The following EDRF1 variants were observed in gnomAD, a reference collection of about 807,000 sequenced individuals.
The protein encoded by EDRF1 is erythroid differentiation regulatory factor 1.
EDRF1 carries 69 observed loss-of-function variants against 148.7 expected under a neutral mutation model. That is an observed-to-expected ratio of 0.46 (90% CI 0.38 to 0.57). The LOEUF (loss-of-function observed/expected upper bound fraction) is 0.57. EDRF1 is among the 20% of genes least tolerant of loss of function. The probability of loss-of-function intolerance (pLI) is 0.00; values close to 1 mark genes in which losing one functional copy is unlikely to be tolerated. For missense variants in EDRF1, 1,118 were observed against 1,478.7 expected, an observed-to-expected ratio of 0.76 and a Z score of 4.00; for synonymous variants, 515 against 532.8, an observed-to-expected ratio of 0.97 and a Z score of 0.46.
rs532529378 is a variant in EDRF1, at chr10:125,757,192, T to C, written c.3545+3347T>C. Reference sequence around the variant, plus strand: ...CATTTAATATGATTCTTTCTCTGCCTTCTGTTAATTATTTTCTGTGATTCC... The same window carrying C: ...CATTTAATATGATTCTTTCTCTGCCCTCTGTTAATTATTTTCTGTGATTCC... On this transcript the variant is annotated intron_variant, in intron 24 of 24. Coordinates refer to ENST00000356792, the MANE Select transcript of EDRF1 (RefSeq NM_001202438.2). The C allele has an allele frequency of 4.5e-5, 8 of 176,822 alleles. No individual in the cohort carries two copies. In the South Asian group the frequency reaches 7.5e-4, roughly 16 times the overall value. The allele number at this position is 176,822 out of a possible 1,614,324, so 11.0% of individuals were successfully genotyped here.
chr10:125,729,907 C>A (rs1006738563), intron 8 of EDRF1, among the ~76,000 whole-genome samples: 1 of 152,206 alleles, frequency 6.6e-6, no homozygotes, highest in Non-Finnish European at 1.5e-5. Flanking sequence ...GAGCATTTTT[C>A]TTAATGCTCC....
rs2133776659 is a variant in EDRF1 at position 125,763,948 on chromosome 10, T to A, written c.*476T>A. 5.7e-6 allele frequency: 1 copy of A among 174,414 alleles called. No individual in the cohort carries two copies. The highest frequency in any genetic ancestry group is 1.5e-4 in the East Asian group (1 of 6,568). 10.8% of individuals were successfully genotyped at this position (174,414 alleles called of 1,614,324 possible). A position where few individuals can be genotyped will look rare whatever the true frequency, so the allele number is the denominator to read the frequency against. On this transcript the variant is annotated 3_prime_UTR_variant, in exon 25 of 25. Coordinates refer to ENST00000356792, the MANE Select transcript of EDRF1 (RefSeq NM_001202438.2). This position sits in a 1 kb window ranked among gnomAD's most constrained non-coding sequence, Gnocchi z 4.3. ...GAAAAAAGGTGTGTTCTTCATAAGC[T>A]TCAGTGCAGGATTTTTCAAAGACGA...
intron 9 of EDRF1, chr10:125,731,775 G>GGTAA (rs1469501175): frequency 1.6e-5 from 6 of 369,294 alleles, no homozygotes; most frequent in Non-Finnish European, 2.9e-5. Context: ...AATCAACAAT[G>GGTAA]GTAAGAATAG....
chr10:125,730,536 T>G, intron 9 of EDRF1, 137 bp downstream of exon 9: 5 of 724,132 alleles, frequency 6.9e-6, no homozygotes, highest in Non-Finnish European at 1.3e-5. Context: ...TGAATTTGAG[T>G]GTACATTTAA....
chr10:125,750,007 G>T (rs117835157), intron 22 of EDRF1, among the ~76,000 whole-genome samples: 2,857 of 152,232 alleles, frequency 0.019, 47 homozygotes, highest in Middle Eastern at 0.051. Flanking sequence ...CATGTGTGGT[G>T]GTGCAGGCCT....
intron 11 of EDRF1, 122 bp from the exon 12 acceptor site, chr10:125,733,950 A>C: frequency 1.1e-6 from 1 of 942,772 alleles, no homozygotes; most frequent in Non-Finnish European, 1.7e-6. Flanking sequence ...GTAAAGTGTA[A>C]AGTTTAGTAT....
chr10:125,734,103 C>A lies in EDRF1; in HGVS notation c.1417C>A (p.Gln473Lys), dbSNP rs1435523777. The stretch of plus-strand genomic sequence containing the variant: ...TTGCAACATGATGATGAAGAAGAAT[C>A]AAAATAAGAAACACTATGGAACTAT... ...VACNMMMKKNQNKKHYGTIRT... is the reference protein window; with the variant it reads ...VACNMMMKKNKNKKHYGTIRT... Residue 473 changes from glutamine (Q) to lysine (K), a missense_variant, in exon 12 of 25, where the codon CAA becomes AAA. This residue lies in a region of EDRF1 where 954 missense variants were observed against 1,241.4 expected (regional missense o/e 0.77). Transcript: ENST00000356792. The A allele has an allele frequency of 6.2e-7, 1 of 1,612,976 alleles. No individual in the cohort carries two copies. Among genetic ancestry groups the A allele is most frequent in the Admixed American group, 1.7e-5 (1 of 59,944 alleles).
At chr10:125,757,001 TGGGG>T in intron 24 of EDRF1, 1 of 420,920 alleles carries the variant, frequency 2.4e-6, no homozygotes. Flanking sequence ...TTTGTAGAGA[TGGGG>T]TCTTGCCATG....
At position 125,752,940 on chromosome 10, in the gene EDRF1, G is replaced by A. The variant is rs200127122; in HGVS notation, c.3393+26G>A. 6.5e-4 allele frequency: 993 copies of A among 1,536,274 alleles called. 3 individuals carry two copies. Among genetic ancestry groups the A allele is most frequent in the Non-Finnish European group, 8.1e-4 (898 of 1,110,088 alleles). ...GTACATGGAGAAAATGACTGTCTTTGGTTTTTGTGTGTCTTAAGCTACATG... is the reference window on the plus strand; with the variant it reads ...GTACATGGAGAAAATGACTGTCTTTAGTTTTTGTGTGTCTTAAGCTACATG... On this transcript the variant is annotated intron_variant, in intron 23 of 24. Transcript: ENST00000356792.
intron 22 of EDRF1, 61 bp from the exon 23 acceptor site, chr10:125,752,738 A>C: frequency 9.0e-7 from 1 of 1,116,596 alleles, no homozygotes; most frequent in South Asian, 1.3e-5. Flanking sequence ...TAATACATTA[A>C]CATTAGATGG....
In EDRF1 at chr10:125,736,725, A is replaced by C. The variant is rs150357113; in HGVS notation, c.1758+821A>C. On this transcript the variant is annotated intron_variant, in intron 13 of 24. Coordinates refer to ENST00000356792, the MANE Select transcript of EDRF1 (RefSeq NM_001202438.2). ...GGTTTTTTTTCTCTCAAAAGCATCA[A>C]GATTATGCTCATTGGAGGGTCTTTG... 1.7e-4 allele frequency among the ~76,000 whole-genome samples: 26 copies of C among 151,974 alleles called. No homozygotes were observed. The East Asian group carries it at 4.1e-3, about 24-fold the overall frequency.
At chr10:125,731,324 G>A (rs769802485) in intron 9 of EDRF1, among the ~76,000 whole-genome samples, 3 of 152,176 alleles carry the variant, frequency 2.0e-5, no homozygotes, top group Admixed American at 6.5e-5. Flanking sequence ...ATCAGAGAAG[G>A]GGGTGAGCAC....
intron 1 of EDRF1, 32 bp downstream of exon 1, chr10:125,719,947 G>T (rs917228729): frequency 1.9e-6 from 3 of 1,593,456 alleles, no homozygotes; most frequent in Non-Finnish European, 2.6e-6. Context: ...ACCTGCCAGG[G>T]ATGTGGGAGC....
chr10:125,732,157 G>A (rs764401346), intron 9 of EDRF1, among the ~76,000 whole-genome samples: 2 of 152,098 alleles, frequency 1.3e-5, no homozygotes, highest in Non-Finnish European at 2.9e-5. Flanking sequence ...TATGATTCTG[G>A]TTTGCAGTCT....
At chr10:125,759,400 C>G (rs536015373) in intron 24 of EDRF1, among the ~76,000 whole-genome samples, 1 of 152,254 alleles carries the variant, frequency 6.6e-6, no homozygotes, top group Non-Finnish European at 1.5e-5. Flanking sequence ...GAGCCATGAC[C>G]TTGTAGTTTG....
At chr10:125,738,881 T>C (rs895670013) in intron 15 of EDRF1, among the ~76,000 whole-genome samples, 2 of 152,230 alleles carry the variant, frequency 1.3e-5, no homozygotes, top group African/African-American at 4.8e-5. Context: ...ATGATTAATA[T>C]ATGTAAAGTG....
chr10:125,719,957 C>CGGAGGACCCGCTCCACCGG, intron 1 of EDRF1, 42 bp downstream of exon 1: 2 of 1,565,830 alleles, frequency 1.3e-6, no homozygotes, highest in South Asian at 2.2e-5. Flanking sequence ...GATGTGGGAG[C>CGGAGGACCCGCTCCACCGG]GGAGGACCCG....
chr10:125,739,882 T>C (rs1042132609), intron 15 of EDRF1, among the ~76,000 whole-genome samples: 2 of 152,112 alleles, frequency 1.3e-5, no homozygotes, highest in Admixed American at 6.5e-5. Flanking sequence ...GGCAGAAAAA[T>C]GATCATTTGT....
At position 125,745,553 on chromosome 10, in the gene EDRF1, C is replaced by T. The variant is rs1021082952; in HGVS notation, c.2591-154C>T. 5 of 719,024 alleles carry T rather than the reference C, an allele frequency of 7.0e-6. No individual in the cohort carries two copies. In the Admixed American group the frequency reaches 8.4e-5, roughly 12 times the overall value. The allele number at this position is 719,024 out of a possible 1,614,324, so 44.5% of individuals were successfully genotyped here. ...GACACGTTTACCTTCATGTAACAGG[C>T]ATGGTGAGAGCAATGAGCCGTGGTT... On this transcript the variant is annotated intron_variant, in intron 18 of 24. Transcript: ENST00000356792.
Sources: allele counts gnomAD v4.1 joint callset (sites outside exome capture counted in the v4.1 genomes callset), GRCh38; gene constraint gnomAD v4.1.1; regional missense constraint gnomAD v4.1.1; non-coding constraint Gnocchi (gnomAD v3.1); transcripts MANE v1.5; gene names NCBI Gene and HGNC (gene_info 2026-07-23, HGNC 2026-07-21).